Variants in PIK3CB observed in about 807,000 individuals in gnomAD.
PIK3CB encodes the protein phosphatidylinositol 4,5-bisphosphate 3-kinase catalytic subunit beta isoform.
In PIK3CB, 39 loss-of-function variants were observed where a neutral mutation model predicts 136.8. The ratio of observed to expected loss-of-function variants is 0.29; its 90% confidence interval spans 0.22 to 0.37. PIK3CB has a LOEUF of 0.37. Among genes scored for constraint, PIK3CB ranks in the 10% least tolerant of loss-of-function variants. The pLI is 1.00. For missense variants in PIK3CB, 868 were observed against 1,275.4 expected (o/e 0.68, Z 4.87); for synonymous variants, 428 against 436.6 (o/e 0.98, Z 0.25).
chr3:138,822,801 C>T (rs145107301), intron 1 of PIK3CB, among the ~76,000 whole-genome samples: 2,407 of 144,982 alleles, frequency 0.017, 24 homozygotes, highest in Admixed American at 0.024. Context: ...GAGATCACGC[C>T]ACTGCAAATA....
chr3:138,667,557 TTTTA>T lies in PIK3CB; in HGVS notation c.2505-2358_2505-2355del, dbSNP rs1404462223. Among the ~76,000 whole-genome samples, 8 of 151,780 alleles carry T rather than the reference TTTTA, an allele frequency of 5.3e-5. 1 individual carries two copies. The highest frequency in any genetic ancestry group is 2.6e-4 in the Admixed American group (4 of 15,264). On this transcript the variant is annotated intron_variant, in intron 19 of 23. Transcript: ENST00000674063. ...TTTTATGCTTTTTTATTTATTTTTATTTTATTTATTTATTTATTTTTTGAGACAG... is the reference window on the plus strand; with the variant it reads ...TTTTATGCTTTTTTATTTATTTTTATTTTATTTATTTATTTTTTGAGACAG...
intron 16 of PIK3CB, 21 bp downstream of exon 16, chr3:138,688,854 A>T (rs1268265534): frequency 1.3e-6 from 2 of 1,505,432 alleles, no homozygotes; most frequent in South Asian, 2.3e-5. Flanking sequence ...GAAAAAATGA[A>T]TAAATAAAAC....
chr3:138,681,203 G>A (rs904213488), intron 19 of PIK3CB, among the ~76,000 whole-genome samples: 8 of 151,102 alleles, frequency 5.3e-5, no homozygotes, highest in Middle Eastern at 7.2e-3. Flanking sequence ...TGTGCTCCAC[G>A]CCTGGCTAAC....
chr3:138,734,876 G>T, intron 6 of PIK3CB, 72 bp from the exon 7 acceptor site: 1 of 994,126 alleles, frequency 1.0e-6, no homozygotes, highest in South Asian at 2.1e-5. Flanking sequence ...AAATGAAGCT[G>T]AACAACACTA....
At chr3:138,696,142 C>T (rs537615464) in intron 13 of PIK3CB, among the ~76,000 whole-genome samples, 1 of 151,408 alleles carries the variant, frequency 6.6e-6, no homozygotes, top group African/African-American at 2.4e-5. Flanking sequence ...AGTTACTTAG[C>T]AAATACAGTG....
Position 138,762,203 on chromosome 3 carries a change from T to C in PIK3CB, c.-16-2844A>G, listed in dbSNP as rs539759590. Among the ~76,000 whole-genome samples, 6 of 148,858 alleles carry C rather than the reference T, an allele frequency of 4.0e-5. 1 individual carries two copies. In the South Asian group the frequency reaches 1.3e-3, roughly 32 times the overall value. ...GGTGGAGGTTGCAGTGAGCAGAGAT[T>C]GTGCCATTGCACTCCAGCCTGGGCA... On this transcript the variant is annotated intron_variant, in intron 2 of 23. Transcript: ENST00000674063.
At chr3:138,779,163 G>A (rs1376336502) in intron 2 of PIK3CB, among the ~76,000 whole-genome samples, 5 of 148,050 alleles carry the variant, frequency 3.4e-5, no homozygotes, top group African/African-American at 1.3e-4. Flanking sequence ...TCGGCATACT[G>A]CAAGCTCTGC....
intron 1 of PIK3CB, among the ~76,000 whole-genome samples, chr3:138,812,151 C>A (rs769040608): frequency 6.6e-6 from 1 of 150,976 alleles, no homozygotes; most frequent in South Asian, 2.1e-4. Flanking sequence ...CTCGAAACGA[C>A]AAAATCATAA....
chr3:138,823,783 A>T (rs1403057243), intron 1 of PIK3CB, among the ~76,000 whole-genome samples: 1 of 152,254 alleles, frequency 6.6e-6, no homozygotes, highest in Non-Finnish European at 1.5e-5. Context: ...GAAAACTTCA[A>T]ATCGGGTTAT....
intron 13 of PIK3CB, among the ~76,000 whole-genome samples, chr3:138,695,235 T>C (rs529127642): frequency 5.9e-5 from 9 of 152,244 alleles, no homozygotes; most frequent in Admixed American, 2.6e-4. Flanking sequence ...ATTTCTCTCA[T>C]TGGATTTTCC....
At chr3:138,732,192 T>C (rs2044992221) in intron 8 of PIK3CB, among the ~76,000 whole-genome samples, 1 of 152,092 alleles carries the variant, frequency 6.6e-6, no homozygotes, top group African/African-American at 2.4e-5. Flanking sequence ...GCGGTAAGAG[T>C]ACCTAAAATC....
At chr3:138,784,506 T>A (rs1170762381) in intron 2 of PIK3CB, among the ~76,000 whole-genome samples, 1 of 151,298 alleles carries the variant, frequency 6.6e-6, no homozygotes, top group Non-Finnish European at 1.5e-5. Context: ...ACTACCACCA[T>A]CTCGGCTCAC....
intron 1 of PIK3CB, chr3:138,796,971 C>T (rs2046115665): frequency 6.6e-6 from 1 of 152,296 alleles, no homozygotes; most frequent in Non-Finnish European, 1.5e-5. Context: ...CAGGCTGCCC[C>T]AAGACACTGC....
intron 1 of PIK3CB, chr3:138,825,908 G>A (rs954426550): frequency 9.0e-6 from 14 of 1,561,882 alleles, no homozygotes; most frequent in East Asian, 2.2e-5. Context: ...TGTTCATCAC[G>A]GCAACGTTGC....
intron 1 of PIK3CB, among the ~76,000 whole-genome samples, chr3:138,816,922 C>A: frequency 6.6e-6 from 1 of 152,042 alleles, no homozygotes; most frequent in Non-Finnish European, 1.5e-5. Context: ...AGTAATTGGC[C>A]GGGCGCCGTG....
intron 8 of PIK3CB, among the ~76,000 whole-genome samples, chr3:138,727,485 T>TA (rs972671467): frequency 2.6e-5 from 4 of 152,188 alleles, no homozygotes; most frequent in Non-Finnish European, 2.9e-5. Context: ...TGTCTCTAGT[T>TA]ACAGAGAGAA....
At chr3:138,784,789 C>T (rs2045957429) in intron 2 of PIK3CB, among the ~76,000 whole-genome samples, 1 of 152,222 alleles carries the variant, frequency 6.6e-6, no homozygotes, top group African/African-American at 2.4e-5. Flanking sequence ...TAACCTCCAC[C>T]TCCCAGCCGC....
chr3:138,656,315 G>A (rs1322277664), intron 22 of PIK3CB, 41 bp from the exon 23 acceptor site: 2 of 1,608,908 alleles, frequency 1.2e-6, no homozygotes, highest in African/African-American at 2.7e-5. Context: ...CAGTGTTAGA[G>A]GGGAGAGAGC....
At chr3:138,655,906 A>C (rs1240845256) in intron 23 of PIK3CB, among the ~76,000 whole-genome samples, 1 of 152,194 alleles carries the variant, frequency 6.6e-6, no homozygotes, top group Non-Finnish European at 1.5e-5. Flanking sequence ...AGAAGGCTAC[A>C]GCCCAATACC....
Sources: gnomAD v4.1 joint callset for allele counts (sites outside exome capture counted in the v4.1 genomes callset) on GRCh38, gnomAD v4.1.1 for gene constraint, MANE v1.5 for transcripts, NCBI Gene and HGNC (gene_info 2026-07-23, HGNC 2026-07-21) for gene names.